The following KDM5A variants were observed in gnomAD, a reference collection of about 807,000 sequenced individuals.
KDM5A encodes the protein lysine-specific demethylase 5A.
KDM5A carries 42 observed loss-of-function variants against 193.5 expected under a neutral mutation model. The observed-to-expected ratio is 0.22, with a 90% CI of 0.17 to 0.28. The LOEUF is 0.28. Ranked by LOEUF, KDM5A falls within the 10% of genes least tolerant of loss-of-function variation. The pLI, the probability that KDM5A is intolerant of heterozygous loss-of-function variation, is 1.00. For missense variants in KDM5A, 1,692 were observed against 2,055.1 expected, an observed-to-expected ratio of 0.82 and a Z score of 3.42; for synonymous variants, 796 against 718.1, an observed-to-expected ratio of 1.11 and a Z score of -1.73.
At chr12:344,259 G>T (rs991523067) in intron 10 of KDM5A, among the ~76,000 whole-genome samples, 13 of 152,312 alleles carry the variant, frequency 8.5e-5, no homozygotes, top group African/African-American at 2.6e-4. Flanking sequence ...ATAAATATGG[G>T]ACTATGTGAA....
chr12:318,037 A>G, intron 19 of KDM5A, 69 bp downstream of exon 19: 1 of 1,160,506 alleles, frequency 8.6e-7, no homozygotes, highest in Non-Finnish European at 1.3e-6. Flanking sequence ...TAAGCTTTTA[A>G]GTTCCTTCTT....
intron 24 of KDM5A, among the ~76,000 whole-genome samples, chr12:304,074 T>C (rs555625895): frequency 6.6e-6 from 1 of 152,206 alleles, no homozygotes; most frequent in Non-Finnish European, 1.5e-5. Context: ...GAGCTCTGAT[T>C]AGGTCTATGA....
chr12:358,379 TAA>T (rs1206650888), intron 5 of KDM5A, among the ~76,000 whole-genome samples: 2 of 152,208 alleles, frequency 1.3e-5, no homozygotes, highest in Non-Finnish European at 2.9e-5. Flanking sequence ...TATTTATCTT[TAA>T]ACTTTTGTAG....
chr12:355,105 A>G, intron 7 of KDM5A, 53 bp downstream of exon 7: 1 of 1,145,274 alleles, frequency 8.7e-7, no homozygotes, highest in South Asian at 1.2e-5. Context: ...AGAAAGTGCA[A>G]AACTATAATA....
chr12:306,893 T>TA, intron 24 of KDM5A, 53 bp downstream of exon 24: 2 of 1,546,118 alleles, frequency 1.3e-6, no homozygotes, highest in South Asian at 1.1e-5. Flanking sequence ...TTTTTTTTTT[T>TA]AAACAAACCC....
intron 19 of KDM5A, among the ~76,000 whole-genome samples, chr12:316,641 C>T (rs1381558320): frequency 8.5e-5 from 13 of 152,204 alleles, no homozygotes; most frequent in Non-Finnish European, 1.5e-5. Context: ...GTTTTACATT[C>T]CAAAGTTATT....
At chr12:370,682 T>C (rs551422386) in intron 3 of KDM5A, among the ~76,000 whole-genome samples, 127 of 152,310 alleles carry the variant, frequency 8.3e-4, no homozygotes, top group African/African-American at 2.9e-3. Flanking sequence ...TTGTTACATA[T>C]GTATACGTGT....
chr12:352,362 C>A lies in KDM5A; in HGVS notation c.1030-38G>T, dbSNP rs755340967. On this transcript the variant is annotated intron_variant, in intron 8 of 27. Coordinates refer to ENST00000399788, the MANE Select transcript of KDM5A (RefSeq NM_001042603.3). ...AATATGTAAGATTAACTTACTGAAA[C>A]TAAACTGAAGAAAGCTTTAAGGCTC... 8 of 1,594,084 alleles carry A rather than the reference C, an allele frequency of 5.0e-6. No homozygotes were observed. In the African/African-American group the frequency reaches 8.1e-5, roughly 16 times the overall value.
chr12:301,057 G>C (rs934994279), intron 24 of KDM5A, among the ~76,000 whole-genome samples: 2 of 152,220 alleles, frequency 1.3e-5, no homozygotes, highest in African/African-American at 4.8e-5. Flanking sequence ...ACCAAAAAAA[G>C]TCCAGGACCA....
chr12:282,822 A>G lies in KDM5A; in HGVS notation c.*2634T>C, dbSNP rs909777684. ...TAAGTAATTTTCTCTAAGTGAAAAT[A>G]ATGCTTTGTATTAGAACACCAACAT... On this transcript the variant is annotated 3_prime_UTR_variant, in exon 28 of 28. Transcript: ENST00000399788. 9 of 232,510 alleles carry G rather than the reference A, an allele frequency of 3.9e-5. No individual in the cohort carries two copies. The highest frequency in any genetic ancestry group is 2.0e-4 in the African/African-American group (9 of 45,314). The allele number at this position is 232,510 out of a possible 1,614,324, so 14.4% of individuals were successfully genotyped here.
chr12:372,396 T>C (rs1460224843), intron 3 of KDM5A, among the ~76,000 whole-genome samples: 2 of 152,352 alleles, frequency 1.3e-5, no homozygotes, highest in East Asian at 1.9e-4. Flanking sequence ...TTTGGCTCTC[T>C]GTTATTGGTG....
rs1943710755 is a variant in KDM5A at position 321,097 on chromosome 12, A to T, written c.2439T>A (p.Asp813Glu). 1 of 1,612,298 alleles carries T rather than the reference A, an allele frequency of 6.2e-7. No individual in the cohort carries two copies. The highest frequency in any genetic ancestry group is 1.3e-5 in the African/African-American group (1 of 74,920). Reference sequence around the variant, plus strand: ...TCAGTTTGGTCCGAGTCCTCCCACTATCTGGGCTCTGTCTGATGTGAAATA... The same window carrying T: ...TCAGTTTGGTCCGAGTCCTCCCACTTTCTGGGCTCTGTCTGATGTGAAATA... ...SKKQKHRQSP[D>E]SGRTRTKLTV... Residue 813 changes from aspartate (D) to glutamate (E), a missense_variant, in exon 18 of 28, where the codon GAT (aspartate) becomes GAA (glutamate). Transcript: ENST00000399788.
At chr12:387,494 AG>A (rs1337718832) in intron 1 of KDM5A, among the ~76,000 whole-genome samples, 1 of 152,222 alleles carries the variant, frequency 6.6e-6, no homozygotes, top group Non-Finnish European at 1.5e-5. Context: ...GATAGAAAAA[AG>A]GGTTAAATGG....
At chr12:382,463 CAA>C (rs773047995) in intron 3 of KDM5A, among the ~76,000 whole-genome samples, 11 of 96,172 alleles carry the variant, frequency 1.1e-4, no homozygotes, top group Admixed American at 1.1e-4. Flanking sequence ...GACTCCATTT[CAA>C]AAAAAAAAAA....
At chr12:388,693 T>G (rs1048105558) in intron 1 of KDM5A, among the ~76,000 whole-genome samples, 4 of 152,132 alleles carry the variant, frequency 2.6e-5, no homozygotes, top group African/African-American at 9.7e-5. Flanking sequence ...GAGAAAAGTA[T>G]CAGTTCCCAA....
intron 3 of KDM5A, among the ~76,000 whole-genome samples, chr12:367,153 A>C (rs1944366752): frequency 6.6e-6 from 1 of 152,222 alleles, no homozygotes; most frequent in South Asian, 2.1e-4. Flanking sequence ...ACGATTGTAC[A>C]GGCAGTTTTC....
At chr12:315,901 A>G (rs1943645939) in intron 19 of KDM5A, among the ~76,000 whole-genome samples, 1 of 152,228 alleles carries the variant, frequency 6.6e-6, no homozygotes, top group Non-Finnish European at 1.5e-5. Flanking sequence ...GATATTTATG[A>G]AAGAAATCTA....
chr12:382,966 T>C (rs535874753), intron 3 of KDM5A, among the ~76,000 whole-genome samples: 2 of 151,696 alleles, frequency 1.3e-5, no homozygotes, highest in South Asian at 2.1e-4. Context: ...TCAAGGTTAT[T>C]ATAATCTCAG....
At position 350,607 on chromosome 12, in the gene KDM5A, G is replaced by A. The variant is rs762734207; in HGVS notation, c.1308+14C>T. 1.1e-5 allele frequency: 18 copies of A among 1,613,622 alleles called. No individual in the cohort carries two copies. In the East Asian group the frequency reaches 3.8e-4, roughly 34 times the overall value. On this transcript the variant is annotated intron_variant, in intron 10 of 27. Transcript: ENST00000399788. ...TCAGCTTGGGGGTAAGCAAAAGTTT[G>A]GATAAATCTGCACCTCTTCTTCTGG...
Sources: allele counts gnomAD v4.1 joint callset (sites outside exome capture counted in the v4.1 genomes callset), GRCh38; gene constraint gnomAD v4.1.1; transcripts MANE v1.5; gene names NCBI Gene and HGNC (gene_info 2026-07-23, HGNC 2026-07-21).